Variants in KAZN observed in about 807,000 individuals in gnomAD.
The protein encoded by KAZN is kazrin.
A neutral mutation model predicts 87.4 loss-of-function variants in KAZN; 40 were observed. That is an observed-to-expected ratio of 0.46 (90% CI 0.36 to 0.60). KAZN has a LOEUF of 0.60. Among genes scored for constraint, KAZN ranks in the 20% least tolerant of loss-of-function variants. KAZN has a pLI of 0.00. For missense variants in KAZN, 898 were observed against 1,073.9 expected (o/e 0.84, Z 2.29); for synonymous variants, 466 against 458.3 (o/e 1.02, Z -0.22).
chr1:14,110,898 CTTTT>C (rs1644487555), intron 1 of KAZN, among the ~76,000 whole-genome samples: 1 of 134,628 alleles, frequency 7.4e-6, no homozygotes, highest in Non-Finnish European at 1.6e-5. Flanking sequence ...TTAATTTTAA[CTTTT>C]GTTTGTGTGT....
chr1:14,088,108 C>A (rs958767676), intron 1 of KAZN, among the ~76,000 whole-genome samples: 1 of 151,264 alleles, frequency 6.6e-6, no homozygotes, highest in Non-Finnish European at 1.5e-5. Context: ...TTTTTAGCTA[C>A]TAATCTAATT....
intron 1 of KAZN, among the ~76,000 whole-genome samples, chr1:14,852,611 G>A (rs1649595354): frequency 6.6e-6 from 1 of 152,202 alleles, no homozygotes; most frequent in Non-Finnish European, 1.5e-5. Flanking sequence ...ACTTCCAAAG[G>A]GCCAGATGGT....
intron 2 of KAZN, among the ~76,000 whole-genome samples, chr1:14,530,365 C>G (rs1339130466): frequency 6.6e-6 from 1 of 152,214 alleles, no homozygotes; most frequent in Non-Finnish European, 1.5e-5. Context: ...TGGACTGCAG[C>G]CTTCCTAAGC....
intron 2 of KAZN, among the ~76,000 whole-genome samples, chr1:15,001,348 A>G (rs1232094967): frequency 1.3e-5 from 2 of 151,648 alleles, no homozygotes; most frequent in Non-Finnish European, 2.9e-5. Flanking sequence ...GGTGACTCAC[A>G]TCTGTAATGC....
chr1:14,504,746 A>G (rs1216041616), intron 2 of KAZN, among the ~76,000 whole-genome samples: 1 of 152,220 alleles, frequency 6.6e-6, no homozygotes. Flanking sequence ...AACATTAATG[A>G]AGAATTTCCT....
chr1:14,959,708 AGCCTG>A (rs1663609550), intron 1 of KAZN, among the ~76,000 whole-genome samples: 2 of 152,300 alleles, frequency 1.3e-5, no homozygotes, highest in South Asian at 4.1e-4. Context: ...AGGTACACGT[AGCCTG>A]GCGCCTGTGC....
At chr1:14,385,699 C>T (rs980296990) in intron 2 of KAZN, among the ~76,000 whole-genome samples, 7 of 151,372 alleles carry the variant, frequency 4.6e-5, no homozygotes, top group Non-Finnish European at 7.4e-5. Flanking sequence ...AATTTCTGTT[C>T]TTTTACATTT....
intron 1 of KAZN, among the ~76,000 whole-genome samples, chr1:14,724,870 T>C (rs1345014558): frequency 1.3e-5 from 2 of 152,204 alleles, no homozygotes; most frequent in African/African-American, 4.8e-5. Context: ...GTTCATCAAT[T>C]TTCACTTCCC....
intron 1 of KAZN, among the ~76,000 whole-genome samples, chr1:14,761,384 C>T (rs1451177872): frequency 6.6e-6 from 1 of 152,180 alleles, no homozygotes; most frequent in African/African-American, 2.4e-5. Context: ...TTAATTTATT[C>T]CCCTAGTCAC....
chr1:14,301,846 C>T (rs766845437), intron 2 of KAZN, among the ~76,000 whole-genome samples: 2 of 152,196 alleles, frequency 1.3e-5, no homozygotes, highest in African/African-American at 2.4e-5. Flanking sequence ...TCACCTCCTC[C>T]GAGAGGCCTT....
chr1:14,415,509 G>C (rs1664674707), intron 2 of KAZN, among the ~76,000 whole-genome samples: 1 of 152,126 alleles, frequency 6.6e-6, no homozygotes, highest in African/African-American at 2.4e-5. Context: ...ACTGGGCTGA[G>C]GGTTCTTCCC....
chr1:15,084,097 G>A (rs889837837), intron 8 of KAZN, among the ~76,000 whole-genome samples: 3 of 152,206 alleles, frequency 2.0e-5, no homozygotes, highest in African/African-American at 7.2e-5. Flanking sequence ...CATCTTCCTT[G>A]GCTGTCAAAA....
intron 1 of KAZN, among the ~76,000 whole-genome samples, chr1:13,916,409 G>A (rs1639853264): frequency 6.6e-6 from 1 of 152,136 alleles, no homozygotes; most frequent in East Asian, 1.9e-4. Flanking sequence ...GAGAGGGGCT[G>A]TGTCTTAGCC....
intron 2 of KAZN, among the ~76,000 whole-genome samples, chr1:14,434,040 T>G (rs1666235640): frequency 6.6e-6 from 1 of 151,982 alleles, no homozygotes; most frequent in Admixed American, 6.5e-5. Context: ...CCTCCAGAAC[T>G]GTTGGAACAT....
chr1:14,250,964 G>T (rs1038364576), intron 2 of KAZN, among the ~76,000 whole-genome samples: 1 of 152,020 alleles, frequency 6.6e-6, no homozygotes, highest in Non-Finnish European at 1.5e-5. Context: ...TATTTTTCAT[G>T]AACCTGTACT....
intron 1 of KAZN, among the ~76,000 whole-genome samples, chr1:13,953,836 C>T (rs889057940): frequency 2.6e-5 from 4 of 152,124 alleles, no homozygotes; most frequent in Admixed American, 2.6e-4. Flanking sequence ...CAATCATAAT[C>T]TCAAAAGACA....
intron 2 of KAZN, among the ~76,000 whole-genome samples, chr1:14,253,148 G>A (rs369576049): frequency 2.7e-5 from 4 of 150,082 alleles, no homozygotes; most frequent in South Asian, 2.1e-4. Flanking sequence ...GGCCCCACCC[G>A]GTTACCGGGG....
chr1:14,380,553 G>A (rs1399390897), intron 2 of KAZN, among the ~76,000 whole-genome samples: 1 of 152,272 alleles, frequency 6.6e-6, no homozygotes, highest in East Asian at 1.9e-4. Context: ...AAATTCTAGA[G>A]TTGGAAAACG....
chr1:14,277,099 A>T (rs1201910738), intron 2 of KAZN, among the ~76,000 whole-genome samples: 4 of 152,168 alleles, frequency 2.6e-5, no homozygotes, highest in Non-Finnish European at 5.9e-5. Flanking sequence ...TCTTTGTCTT[A>T]CTTGGGAAAA....
Sources: gnomAD v4.1 joint callset for allele counts (sites outside exome capture counted in the v4.1 genomes callset) on GRCh38, gnomAD v4.1.1 for gene constraint, MANE v1.5 for transcripts, NCBI Gene and HGNC (gene_info 2026-07-23, HGNC 2026-07-21) for gene names.